Variants in PTPRD observed in about 807,000 individuals in gnomAD.
PTPRD encodes the protein receptor-type tyrosine-protein phosphatase delta.
In PTPRD, 34 loss-of-function variants were observed where a neutral mutation model predicts 214.5. The observed-to-expected ratio is 0.16, with a 90% CI of 0.12 to 0.21. The LOEUF (loss-of-function observed/expected upper bound fraction) is 0.21. Among genes scored for constraint, PTPRD ranks in the 10% least tolerant of loss-of-function variants. The pLI, the probability that PTPRD is intolerant of heterozygous loss-of-function variation, is 1.00. For synonymous variants in PTPRD, 1,128 were observed against 845.7 expected, an observed-to-expected ratio of 1.33 and a Z score of -5.79; for missense variants, 2,545 against 2,398.7, an observed-to-expected ratio of 1.06 and a Z score of -1.27.
chr9:9,145,743 A>T (rs2154484348), intron 10 of PTPRD, among the ~76,000 whole-genome samples: 1 of 152,170 alleles, frequency 6.6e-6, no homozygotes, highest in East Asian at 1.9e-4. Flanking sequence ...GTAGAATAGA[A>T]CTGGATCTTG....
At chr9:9,725,759 G>A (rs770208714) in intron 7 of PTPRD, among the ~76,000 whole-genome samples, 49 of 152,136 alleles carry the variant, frequency 3.2e-4, no homozygotes, top group South Asian at 2.1e-4. Flanking sequence ...AAATATTTTT[G>A]TGAAAATTAG....
chr9:8,518,502 C>A (rs967475449), intron 20 of PTPRD, 73 bp from the exon 21 acceptor site: 3 of 1,076,880 alleles, frequency 2.8e-6, no homozygotes, highest in East Asian at 4.8e-5. Context: ...ATAAACTCTA[C>A]TATGAAAATG....
intron 3 of PTPRD, among the ~76,000 whole-genome samples, chr9:10,176,453 T>C (rs1206282445): frequency 3.3e-5 from 5 of 151,894 alleles, no homozygotes; most frequent in Non-Finnish European, 7.4e-5. Flanking sequence ...AAAAGCAACA[T>C]TTTGACCTAT....
At chr9:10,554,568 C>T (rs1004494270) in intron 2 of PTPRD, among the ~76,000 whole-genome samples, 2 of 152,144 alleles carry the variant, frequency 1.3e-5, no homozygotes, top group Non-Finnish European at 2.9e-5. Flanking sequence ...ATTCCAATTT[C>T]CAGGATAATA....
chr9:10,164,605 G>A (rs1278966854), intron 3 of PTPRD, among the ~76,000 whole-genome samples: 1 of 151,596 alleles, frequency 6.6e-6, no homozygotes, highest in Non-Finnish European at 1.5e-5. Context: ...AAAATTATAT[G>A]TGATTTGCAT....
Position 9,247,392 on chromosome 9 carries a change from C to T in PTPRD, c.-202-64029G>A, listed in dbSNP as rs769589836. On this transcript the variant is annotated intron_variant, in intron 9 of 45. Coordinates refer to ENST00000381196, the MANE Select transcript of PTPRD (RefSeq NM_002839.4). ...AAAATTAGACAGTTTCTTCTTGTGT[C>T]TTTTAAGTCTTCATTCTGAAGGCTC... 2.8e-3 allele frequency among the ~76,000 whole-genome samples: 433 copies of T among 152,076 alleles called. 2 individuals carry two copies. Among genetic ancestry groups the T allele is most frequent in the Non-Finnish European group, 4.9e-3 (335 of 67,956 alleles).
chr9:9,858,616 G>A (rs544847383), intron 5 of PTPRD, among the ~76,000 whole-genome samples: 9 of 152,238 alleles, frequency 5.9e-5, no homozygotes, highest in South Asian at 4.1e-4. Flanking sequence ...CCATTGGTCC[G>A]TGTCTCAGTT....
intron 8 of PTPRD, among the ~76,000 whole-genome samples, chr9:9,453,901 A>G (rs2092617788): frequency 6.6e-6 from 1 of 151,726 alleles, no homozygotes; most frequent in Non-Finnish European, 1.5e-5. Flanking sequence ...TCACTGCTAC[A>G]TGTGTTAGTA....
intron 2 of PTPRD, among the ~76,000 whole-genome samples, chr9:10,520,283 A>G (rs1192780463): frequency 1.3e-5 from 2 of 152,226 alleles, no homozygotes; most frequent in East Asian, 1.9e-4. Context: ...GGTGGTCTAC[A>G]TAGAAAATCA....
chr9:9,909,771 A>T (rs913637657), intron 5 of PTPRD, among the ~76,000 whole-genome samples: 1 of 142,220 alleles, frequency 7.0e-6, no homozygotes. Context: ...TCATTTGTGG[A>T]TTGAATGTTT....
chr9:8,327,168 T>G (rs907302054), intron 44 of PTPRD, among the ~76,000 whole-genome samples: 1 of 151,212 alleles, frequency 6.6e-6, no homozygotes, highest in Non-Finnish European at 1.5e-5. Flanking sequence ...GGGCATTTAG[T>G]GCTATAAATT....
chr9:10,046,929 G>T (rs2097409415), intron 3 of PTPRD, among the ~76,000 whole-genome samples: 1 of 151,918 alleles, frequency 6.6e-6, no homozygotes, highest in Non-Finnish European at 1.5e-5. Context: ...AACAATTACA[G>T]ACATCCAAAG....
intron 8 of PTPRD, among the ~76,000 whole-genome samples, chr9:9,551,506 A>G (rs2080230596): frequency 6.6e-6 from 1 of 151,924 alleles, no homozygotes; most frequent in African/African-American, 2.4e-5. Context: ...ATATATGAAA[A>G]TTCACTCTGT....
intron 7 of PTPRD, among the ~76,000 whole-genome samples, chr9:9,652,303 A>G (rs1050695288): frequency 6.6e-6 from 1 of 152,104 alleles, no homozygotes; most frequent in African/African-American, 2.4e-5. Context: ...CCATTCTCAC[A>G]TGAATTTCCC....
chr9:10,023,406 G>A (rs768004332), intron 4 of PTPRD, among the ~76,000 whole-genome samples: 47 of 152,206 alleles, frequency 3.1e-4, no homozygotes, highest in Non-Finnish European at 4.6e-4. Flanking sequence ...ACTCCTGTCC[G>A]TCCTTTTGTG....
At chr9:8,779,501 A>T (rs2095611232) in intron 11 of PTPRD, among the ~76,000 whole-genome samples, 2 of 152,280 alleles carry the variant, frequency 1.3e-5, no homozygotes, top group South Asian at 4.1e-4. Flanking sequence ...ATTATTAGAA[A>T]GAATGTAAAG....
chr9:8,415,971 C>G (rs2093904728), intron 35 of PTPRD, among the ~76,000 whole-genome samples: 1 of 152,140 alleles, frequency 6.6e-6, no homozygotes, highest in Non-Finnish European at 1.5e-5. Flanking sequence ...ACTTTGCCTT[C>G]TCTACCTGGC....
At chr9:8,778,555 G>A (rs368702492) in intron 11 of PTPRD, among the ~76,000 whole-genome samples, 6 of 152,082 alleles carry the variant, frequency 3.9e-5, no homozygotes, top group South Asian at 2.1e-4. Context: ...TCATTCTTGC[G>A]CTGGGTCCTG....
chr9:8,559,167 G>A (rs1404576518), intron 14 of PTPRD, among the ~76,000 whole-genome samples: 1 of 152,106 alleles, frequency 6.6e-6, no homozygotes, highest in Non-Finnish European at 1.5e-5. Flanking sequence ...AATTCAGTTA[G>A]AAGAAATAAG....
Sources: gnomAD v4.1 joint callset for allele counts (sites outside exome capture counted in the v4.1 genomes callset) on GRCh38, gnomAD v4.1.1 for gene constraint, MANE v1.5 for transcripts, NCBI Gene and HGNC (gene_info 2026-07-23, HGNC 2026-07-21) for gene names.